CFAP54: variants seen among roughly 807,000 people sequenced by gnomAD.
CFAP54 encodes the protein cilia- and flagella-associated protein 54.
CFAP54 carries 290 observed loss-of-function variants against 370.4 expected under a neutral mutation model. The observed-to-expected ratio is 0.78, with a 90% confidence interval of 0.71 to 0.86. CFAP54 has a LOEUF of 0.86. Among genes scored for constraint, CFAP54 ranks in the 40% least tolerant of loss-of-function variants. The pLI, the probability that CFAP54 is intolerant of heterozygous loss-of-function variation, is 0.00. For missense variants in CFAP54, 3,399 were observed against 3,528.7 expected (o/e 0.96, Z 0.93); for synonymous variants, 1,206 against 1,236.5 (o/e 0.98, Z 0.52).
intron 67 of CFAP54, among the ~76,000 whole-genome samples, chr12:96,865,078 A>G (rs974388273): frequency 6.6e-6 from 1 of 152,192 alleles, no homozygotes; most frequent in Non-Finnish European, 1.5e-5. Context: ...CTCTCATTTG[A>G]AATGTTATGG....
At chr12:96,536,047 A>C (rs1955498962) in intron 12 of CFAP54, among the ~76,000 whole-genome samples, 1 of 152,194 alleles carries the variant, frequency 6.6e-6, no homozygotes. Context: ...GATCCTCAGA[A>C]ACCTAACTTT....
intron 28 of CFAP54, among the ~76,000 whole-genome samples, chr12:96,625,196 A>G (rs908904489): frequency 6.6e-6 from 1 of 152,236 alleles, no homozygotes; most frequent in Non-Finnish European, 1.5e-5. Context: ...CCTGTATATA[A>G]GAGCCAGAAG....
intron 1 of CFAP54, among the ~76,000 whole-genome samples, chr12:96,500,315 A>C (rs1007516622): frequency 3.3e-5 from 5 of 152,212 alleles, no homozygotes; most frequent in Non-Finnish European, 4.4e-5. Context: ...AGGGATGAAT[A>C]AGTGGAGCAC....
chr12:96,746,914 A>G (rs1308593673), intron 55 of CFAP54, among the ~76,000 whole-genome samples: 1 of 152,202 alleles, frequency 6.6e-6, no homozygotes, highest in Non-Finnish European at 1.5e-5. Flanking sequence ...TTCAGATCTC[A>G]GTTAAGCATC....
chr12:96,569,854 T>C (rs1955897220), intron 19 of CFAP54, among the ~76,000 whole-genome samples: 1 of 152,254 alleles, frequency 6.6e-6, no homozygotes, highest in African/African-American at 2.4e-5. Context: ...TACCAGTCTA[T>C]TAACTATATT....
intron 17 of CFAP54, among the ~76,000 whole-genome samples, chr12:96,564,164 GT>G (rs1483213997): frequency 1.5e-4 from 23 of 152,162 alleles, no homozygotes; most frequent in Admixed American, 1.5e-3. Context: ...CTGTGAAAAG[GT>G]AAAGTCAACA....
chr12:96,512,327 ATATATATATATATATATATATATG>A (rs1319750055), intron 4 of CFAP54, among the ~76,000 whole-genome samples: 4 of 35,362 alleles, frequency 1.1e-4, no homozygotes, highest in African/African-American at 4.8e-4. Context: ...ATATATATAT[ATATATATATATATATATATATATG>A]TATATATTTG....
At chr12:96,687,790 G>A (rs1190038679) in intron 42 of CFAP54, among the ~76,000 whole-genome samples, 1 of 152,142 alleles carries the variant, frequency 6.6e-6, no homozygotes, top group Non-Finnish European at 1.5e-5. Context: ...ACTTATTGGA[G>A]CTTGGCAATT....
At chr12:96,494,807 G>A (rs2368099) in intron 1 of CFAP54, among the ~76,000 whole-genome samples, 79,354 of 151,568 alleles carry the variant, frequency 0.52, 21,203 homozygotes, top group East Asian at 0.69. Flanking sequence ...GCTCTCTGCA[G>A]CTTCCGCCTC....
At chr12:96,814,905 C>T (rs1198405736) in intron 64 of CFAP54, among the ~76,000 whole-genome samples, 1 of 152,044 alleles carries the variant, frequency 6.6e-6, no homozygotes, top group African/African-American at 2.4e-5. Context: ...TTTATGGCTG[C>T]TAGTATTCCG....
intron 63 of CFAP54, among the ~76,000 whole-genome samples, chr12:96,803,516 A>C (rs1241892338): frequency 6.6e-6 from 1 of 152,060 alleles, no homozygotes; most frequent in East Asian, 1.9e-4. Context: ...TGCTGCCACC[A>C]GTGGGGTCTG....
intron 26 of CFAP54, among the ~76,000 whole-genome samples, chr12:96,603,904 G>T (rs954191437): frequency 5.9e-5 from 9 of 152,062 alleles, no homozygotes; most frequent in Admixed American, 5.2e-4. Flanking sequence ...GTTAGAACGT[G>T]TTCCTTTAGC....
At chr12:96,754,290 A>G (rs1958225651) in intron 56 of CFAP54, among the ~76,000 whole-genome samples, 1 of 152,210 alleles carries the variant, frequency 6.6e-6, no homozygotes, top group African/African-American at 2.4e-5. Flanking sequence ...TAAGTAAGAG[A>G]TACATACTCA....
chr12:96,837,899 A>G (rs1001674125), intron 66 of CFAP54, among the ~76,000 whole-genome samples: 57 of 152,196 alleles, frequency 3.7e-4, no homozygotes, highest in African/African-American at 1.3e-3. Context: ...GGTTGGGAAA[A>G]GAGGCCTGAG....
chr12:96,826,980 ATATAATATGCAATTATATATGATTAAT>A (rs1959122642), intron 65 of CFAP54, among the ~76,000 whole-genome samples: 5 of 130,448 alleles, frequency 3.8e-5, no homozygotes, highest in African/African-American at 1.3e-4. Context: ...ATATGATTAT[ATATAATATGCAATTATATATGATTAAT>A]TATAATATGC....
rs1419610442 is a variant in CFAP54, at chr12:96,489,704, C to G, written c.95C>G (p.Ser32Trp). 5 of 1,536,048 alleles carry G rather than the reference C, an allele frequency of 3.3e-6. No homozygotes were observed. In the Admixed American group the frequency reaches 7.8e-5, roughly 24 times the overall value. Residue 32 changes from serine to tryptophan, a missense_variant, in exon 1 of 68, where the codon TCG (serine) becomes TGG (tryptophan). This residue lies in a region of CFAP54 where 559 missense variants were observed against 576.7 expected (regional missense o/e 0.97). Transcript: ENST00000524981. The stretch of plus-strand genomic sequence containing the variant: ...CTGCCGCCGACCTCCACCGCGACTT[C>G]GAGGTCGCCCCCAGAGTCGAAGGGG... ...PELPPTSTAT[S>W]RSPPESKGSS... is the part of the protein sequence containing the mutation.
At chr12:96,500,786 G>A in intron 1 of CFAP54, 48 bp from the exon 2 acceptor site, 1 of 1,348,774 alleles carries the variant, frequency 7.4e-7, no homozygotes, top group Non-Finnish European at 1.0e-6. Context: ...ATTAATTGGG[G>A]TTTCCTGCAG....
intron 39 of CFAP54, among the ~76,000 whole-genome samples, chr12:96,672,905 C>G (rs1345273467): frequency 6.6e-6 from 1 of 152,088 alleles, no homozygotes; most frequent in African/African-American, 2.4e-5. Context: ...TAGATGTTTA[C>G]TGATGATAGG....
intron 66 of CFAP54, among the ~76,000 whole-genome samples, chr12:96,859,397 G>T (rs1052548868): frequency 9.9e-5 from 15 of 151,552 alleles, no homozygotes; most frequent in East Asian, 5.8e-4. Flanking sequence ...CTTTTTGTTT[G>T]TTTGTTTGTT....
Sources: gnomAD v4.1 joint callset for allele counts (sites outside exome capture counted in the v4.1 genomes callset) on GRCh38, gnomAD v4.1.1 for gene constraint, gnomAD v4.1.1 regional missense constraint, MANE v1.5 for transcripts, NCBI Gene and HGNC (gene_info 2026-07-23, HGNC 2026-07-21) for gene names.